ATP8A1: variants seen among roughly 807,000 people sequenced by gnomAD.
ATP8A1 encodes phospholipid-transporting ATPase IA.
A neutral mutation model predicts 177.7 loss-of-function variants in ATP8A1; 90 were observed. The observed-to-expected ratio is 0.51, with a 90% CI of 0.43 to 0.60. ATP8A1 has a LOEUF of 0.60. ATP8A1 is among the 20% of genes least tolerant of loss of function. The pLI, the probability that ATP8A1 is intolerant of heterozygous loss-of-function variation, is 0.00. For synonymous variants in ATP8A1, 493 were observed against 485.9 expected (o/e 1.01, Z -0.19); for missense variants, 1,072 against 1,392.8 (o/e 0.77, Z 3.67).
intron 29 of ATP8A1, among the ~76,000 whole-genome samples, chr4:42,453,105 C>T (rs533256285): frequency 1.3e-5 from 2 of 152,180 alleles, no homozygotes; most frequent in African/African-American, 4.8e-5. Context: ...CAGGTGGGTG[C>T]AAGAAAAATT....
chr4:42,656,770 C>A, intron 1 of ATP8A1, 55 bp downstream of exon 1: 1 of 1,500,822 alleles, frequency 6.7e-7, no homozygotes, highest in Non-Finnish European at 9.0e-7. Flanking sequence ...CACACGCTCA[C>A]ACACACACTC....
rs533384180 is a variant in ATP8A1 at position 42,413,693 on chromosome 4, C to T, written c.3398-680G>A. Among the ~76,000 whole-genome samples the T allele has an allele frequency of 4.6e-5, 7 of 152,240 alleles. No homozygotes were observed. In the South Asian group the frequency reaches 1.5e-3, roughly 32 times the overall value. The stretch of plus-strand genomic sequence containing the variant: ...TCGTCCATGGCAAGTTCAAGTTTTG[C>T]TTTTAGGAATTTTGTGAATTTTTTT... On this transcript the variant is annotated intron_variant, in intron 36 of 36. Coordinates refer to ENST00000381668, the MANE Select transcript of ATP8A1 (RefSeq NM_006095.2).
intron 22 of ATP8A1, among the ~76,000 whole-genome samples, chr4:42,515,528 G>A (rs1040776901): frequency 1.3e-5 from 2 of 152,072 alleles, no homozygotes; most frequent in Non-Finnish European, 2.9e-5. Context: ...TCTATATTAC[G>A]CCACATCAAG....
At chr4:42,621,095 C>T (rs1737419974) in intron 4 of ATP8A1, among the ~76,000 whole-genome samples, 1 of 152,214 alleles carries the variant, frequency 6.6e-6, no homozygotes, top group Non-Finnish European at 1.5e-5. Flanking sequence ...CTGTGGACTG[C>T]CAAGTCCTAC....
intron 15 of ATP8A1, among the ~76,000 whole-genome samples, chr4:42,559,129 C>G (rs568775212): frequency 6.6e-6 from 1 of 152,042 alleles, no homozygotes; most frequent in African/African-American, 2.4e-5. Context: ...GGGGCTGCAG[C>G]GAGCTATGAT....
rs1736894804 is a variant in ATP8A1 at position 42,616,146 on chromosome 4, C to T, written c.364-68G>A. On this transcript the variant is annotated intron_variant, in intron 4 of 36. Transcript: ENST00000381668. ...AAGATTACTAAAACAAGAGAGCACTCATACCAAAAAAGATTTAGCTTATGT... is the reference window on the plus strand; with the variant it reads ...AAGATTACTAAAACAAGAGAGCACTTATACCAAAAAAGATTTAGCTTATGT... The T allele has an allele frequency of 3.7e-6, 5 of 1,333,868 alleles. No homozygotes were observed. The Admixed American group carries it at 8.2e-5, about 22-fold the overall frequency. The allele number at this position is 1,333,868 out of a possible 1,614,324, so 82.6% of individuals were successfully genotyped here.
intron 20 of ATP8A1, among the ~76,000 whole-genome samples, chr4:42,536,930 A>G (rs1727887708): frequency 6.6e-6 from 1 of 152,136 alleles, no homozygotes; most frequent in Admixed American, 6.5e-5. Flanking sequence ...CTGGAGTTCG[A>G]GACCAGCCTG....
chr4:42,471,827 C>T (rs1578000865), intron 25 of ATP8A1: 1 of 550,938 alleles, frequency 1.8e-6, no homozygotes, highest in East Asian at 4.2e-5. Context: ...TTTCAAGCAC[C>T]AAGACTGTGA....
intron 20 of ATP8A1, among the ~76,000 whole-genome samples, chr4:42,543,061 A>G (rs975045917): frequency 6.6e-6 from 1 of 152,232 alleles, no homozygotes; most frequent in Non-Finnish European, 1.5e-5. Flanking sequence ...AAAGAATTCT[A>G]AAACTAAATT....
rs752949195 is a variant in ATP8A1, at chr4:42,414,697, C to T, written c.3327G>A (p.Leu1109=). 2 of 1,613,878 alleles carry T rather than the reference C, an allele frequency of 1.2e-6. No homozygotes were observed. The highest frequency in any genetic ancestry group is 2.2e-5 in the South Asian group (2 of 91,074). Residue 1109 remains leucine (L), a synonymous_variant, in exon 36 of 37, where the codon CTG becomes CTA. Transcript: ENST00000381668. The part of the protein sequence containing the change: ...LGKSLTERAQ[L]LKNVFKKNHV... ...GGTTCTTCTTAAAGACGTTCTTGAG[C>T]AGTTGCGCCCTCTCGGTCAGGCTGC...
intron 5 of ATP8A1, among the ~76,000 whole-genome samples, chr4:42,611,586 C>G (rs1293432021): frequency 2.0e-5 from 3 of 148,148 alleles, no homozygotes; most frequent in Non-Finnish European, 4.5e-5. Flanking sequence ...TCCCAAATAC[C>G]TTAGTTTGCA....
intron 23 of ATP8A1, among the ~76,000 whole-genome samples, chr4:42,505,336 T>C (rs1171713696): frequency 6.6e-6 from 1 of 152,214 alleles, no homozygotes; most frequent in African/African-American, 2.4e-5. Flanking sequence ...ACCACTACTA[T>C]ACTCTTTTTT....
chr4:42,491,589 G>A (rs1442256064), intron 24 of ATP8A1, among the ~76,000 whole-genome samples: 1 of 152,134 alleles, frequency 6.6e-6, no homozygotes, highest in Non-Finnish European at 1.5e-5. Context: ...ATCTGACACA[G>A]TTTCATAGTG....
intron 33 of ATP8A1, among the ~76,000 whole-genome samples, chr4:42,431,749 C>G (rs916931567): frequency 6.6e-6 from 1 of 152,184 alleles, no homozygotes; most frequent in Non-Finnish European, 1.5e-5. Context: ...GTACCATGAT[C>G]CCCCGAAACA....
At chr4:42,644,843 T>C (rs1248936565) in intron 1 of ATP8A1, among the ~76,000 whole-genome samples, 6 of 151,952 alleles carry the variant, frequency 3.9e-5, no homozygotes, top group Admixed American at 3.9e-4. Context: ...TTTCATGTCA[T>C]AATGGGATAA....
chr4:42,602,279 ACT>A (rs1345594351), intron 5 of ATP8A1, among the ~76,000 whole-genome samples: 1 of 152,110 alleles, frequency 6.6e-6, no homozygotes, highest in Non-Finnish European at 1.5e-5. Context: ...GAAACACAAG[ACT>A]CTAATGCCTG....
intron 11 of ATP8A1, 127 bp downstream of exon 11, chr4:42,579,686 C>G: frequency 1.1e-6 from 1 of 876,534 alleles, no homozygotes; most frequent in Non-Finnish European, 1.7e-6. Flanking sequence ...AAATAAAGAT[C>G]AAATGTCCAG....
intron 24 of ATP8A1, among the ~76,000 whole-genome samples, chr4:42,497,207 T>C (rs4280770): frequency 0.39 from 58,842 of 152,072 alleles, 11,571 homozygotes; most frequent in South Asian, 0.57. Flanking sequence ...TTCCAGCACT[T>C]GCTAGACATG....
At chr4:42,482,117 C>A (rs377594434) in intron 25 of ATP8A1, among the ~76,000 whole-genome samples, 2 of 151,916 alleles carry the variant, frequency 1.3e-5, no homozygotes, top group African/African-American at 4.8e-5. Context: ...ACCTGGGCAA[C>A]GTGGCAAAAG....
Sources: allele counts gnomAD v4.1 joint callset (sites outside exome capture counted in the v4.1 genomes callset), GRCh38; gene constraint gnomAD v4.1.1; transcripts MANE v1.5; gene names NCBI Gene and HGNC (gene_info 2026-07-23, HGNC 2026-07-21).